The following VSTM2A variants were observed in gnomAD, a reference collection of about 807,000 sequenced individuals.
The protein encoded by VSTM2A is V-set and transmembrane domain containing 2A, also known as V-set and transmembrane domain-containing protein 2A.
In VSTM2A, 13 loss-of-function variants were observed where a neutral mutation model predicts 27.3. That is an observed-to-expected ratio of 0.48 (90% CI 0.31 to 0.76). The LOEUF is 0.76. Among genes scored for constraint, VSTM2A ranks in the 30% least tolerant of loss-of-function variants. VSTM2A has a pLI of 0.05. For synonymous variants in VSTM2A, 142 were observed against 125.7 expected (o/e 1.13, Z -0.87); for missense variants, 280 against 310.0 (o/e 0.90, Z 0.73).
At chr7:54,552,668 A>C (rs1398682697) in intron 4 of VSTM2A, 2 of 152,224 alleles carry the variant, frequency 1.3e-5, no homozygotes, top group African/African-American at 4.8e-5. Context: ...AAGAAAACAA[A>C]ATATTTGTAC....
In VSTM2A at chr7:54,569,130, G is replaced by A. The variant is rs1788814026; in HGVS notation, c.635-1G>A. On this transcript the variant is annotated splice_acceptor_variant, in intron 4 of 4. Transcript: ENST00000402613. LOFTEE classifies it high-confidence loss of function. ...TCCAATATCACTTTCTCTTCTTAAA[G>A]CAAAGAGCAAATCGCCTGTAAAATC... 1 of 1,566,882 alleles carries A rather than the reference G, an allele frequency of 6.4e-7. No homozygotes were observed. Among genetic ancestry groups the A allele is most frequent in the Non-Finnish European group, 8.7e-7 (1 of 1,154,386 alleles).
At chr7:54,550,983 T>C (rs1049360305) in intron 4 of VSTM2A, 1 of 152,188 alleles carries the variant, frequency 6.6e-6, no homozygotes, top group South Asian at 2.1e-4. Flanking sequence ...ATACTGACTT[T>C]ATCCTTCTTT....
In VSTM2A at chr7:54,542,705, T is replaced by A; in HGVS notation, c.-26T>A. 1 of 1,610,832 alleles carries A rather than the reference T, an allele frequency of 6.2e-7. No individual in the cohort carries two copies. The highest frequency in any genetic ancestry group is 8.5e-7 in the Non-Finnish European group (1 of 1,177,736). ...AGGGCTTTTCGGCTGTTGGCTACACTGATGTGACCCCCCTCCCTTTTTGGA... is the reference window on the plus strand; with the variant it reads ...AGGGCTTTTCGGCTGTTGGCTACACAGATGTGACCCCCCTCCCTTTTTGGA... On this transcript the variant is annotated 5_prime_UTR_variant, in exon 1 of 5. Coordinates refer to ENST00000402613, the MANE Select transcript of VSTM2A (RefSeq NM_001301009.2).
intron 4 of VSTM2A, chr7:54,559,950 AAG>A (rs1450102124): frequency 1.2e-4 from 18 of 152,128 alleles, no homozygotes; most frequent in African/African-American, 3.9e-4. Context: ...AAAAGAAAAA[AAG>A]AAAATGTACA....
chr7:54,558,244 TAAAC>T (rs1395751989), intron 4 of VSTM2A: 3 of 152,122 alleles, frequency 2.0e-5, no homozygotes, highest in African/African-American at 4.8e-5. Flanking sequence ...TCTGAAAACA[TAAAC>T]AAGTTAGAAT....
Position 54,570,370 on chromosome 7 carries a change from G to A in VSTM2A, c.*1151G>A, listed in dbSNP as rs1788854984. 6.6e-6 allele frequency: 1 copy of A among 152,126 alleles called. No individual in the cohort carries two copies. Among genetic ancestry groups the A allele is most frequent in the African/African-American group, 2.4e-5 (1 of 41,432 alleles). The allele number at this position is 152,126 out of a possible 1,614,324, so 9.4% of individuals were successfully genotyped here. ...ACCATAATTCCCTAAATTCATGTTAGAACATTTCTTGCTATGGTTAAAAAT... is the reference window on the plus strand; with the variant it reads ...ACCATAATTCCCTAAATTCATGTTAAAACATTTCTTGCTATGGTTAAAAAT... On this transcript the variant is annotated 3_prime_UTR_variant, in exon 5 of 5. Coordinates refer to ENST00000402613, the MANE Select transcript of VSTM2A (RefSeq NM_001301009.2).
chr7:54,557,008 A>G lies in VSTM2A; in HGVS notation c.634+6838A>G, dbSNP rs1054430523. ...ACCAGAGGAGCAGCTTCCTGGCTAG[A>G]TGGCCAAAGTGTTGAAAACTTGCTA... On this transcript the variant is annotated intron_variant, in intron 4 of 4. Transcript: ENST00000402613. The G allele has an allele frequency of 4.6e-5, 7 of 152,352 alleles. No homozygotes were observed. In the South Asian group the frequency reaches 1.4e-3, roughly 32 times the overall value. 9.4% of individuals were successfully genotyped at this position (152,352 alleles called of 1,614,324 possible).
rs1788817024 is a variant in VSTM2A at position 54,569,192 on chromosome 7, GCAC to G, written c.701_703del (p.His234del). ...CAGCAAAGTTGACCCTAAACTCCAA[GCAC>G]CACCCTGCACCCACTGTACTCTAAT... On this transcript the variant is annotated inframe_deletion, in exon 5 of 5. Coordinates refer to ENST00000402613, the MANE Select transcript of VSTM2A (RefSeq NM_001301009.2). 3 of 1,551,558 alleles carry G rather than the reference GCAC, an allele frequency of 1.9e-6. No individual in the cohort carries two copies. Among genetic ancestry groups the G allele is most frequent in the South Asian group, 1.2e-5 (1 of 84,086 alleles).
At chr7:54,546,822 T>C (rs2115785426) in intron 2 of VSTM2A, 125 bp from the exon 3 acceptor site, 2 of 1,327,890 alleles carry the variant, frequency 1.5e-6, no homozygotes, top group Non-Finnish European at 2.0e-6. Context: ...GCCACGCCCC[T>C]GGTCGCTCCC....
chr7:54,569,226 A>G lies in VSTM2A; in HGVS notation c.*7A>G, dbSNP rs1177563367. 1 of 1,551,612 alleles carries G rather than the reference A, an allele frequency of 6.4e-7. No homozygotes were observed. Among genetic ancestry groups the G allele is most frequent in the South Asian group, 1.2e-5 (1 of 84,056 alleles). ...TGCACCCACTGTACTCTAATTCACTACACAAGGAGCGCCTGCTTCCGGAAG... is the reference window on the plus strand; with the variant it reads ...TGCACCCACTGTACTCTAATTCACTGCACAAGGAGCGCCTGCTTCCGGAAG... On this transcript the variant is annotated 3_prime_UTR_variant, in exon 5 of 5. Transcript: ENST00000402613.
At chr7:54,553,969 C>T (rs929710168) in intron 4 of VSTM2A, 41 of 1,552,616 alleles carry the variant, frequency 2.6e-5, no homozygotes, top group Non-Finnish European at 3.5e-5. Flanking sequence ...CCCCTTCCCA[C>T]CTTCCCAACG....
intron 2 of VSTM2A, among the ~76,000 whole-genome samples, chr7:54,545,662 G>C (rs1178894645): frequency 3.1e-5 from 2 of 65,422 alleles, no homozygotes; most frequent in Admixed American, 1.5e-4. Context: ...AGACAGTGAA[G>C]GGGAAAGAGA....
chr7:54,570,345 A>G lies in VSTM2A; in HGVS notation c.*1126A>G, dbSNP rs1252883679. 1 of 152,196 alleles carries G rather than the reference A, an allele frequency of 6.6e-6. No individual in the cohort carries two copies. Among genetic ancestry groups the G allele is most frequent in the Admixed American group, 6.5e-5 (1 of 15,276 alleles). 9.4% of individuals were successfully genotyped at this position (152,196 alleles called of 1,614,324 possible). On this transcript the variant is annotated 3_prime_UTR_variant, in exon 5 of 5. Transcript: ENST00000402613. ...CGAATGTGGGGAAGGTGAAGCACTC[A>G]CCATAATTCCCTAAATTCATGTTAG...
rs149194196 is a variant in VSTM2A at position 54,565,525 on chromosome 7, C to T, written c.635-3606C>T. ...TAAAAAGGAAGGTGCTGAAAGGCAA[C>T]TGAGCACTTCTACCTGGCAGACATA... is the stretch of plus-strand genomic sequence containing the variant. On this transcript the variant is annotated intron_variant, in intron 4 of 4. Transcript: ENST00000402613. Among the ~76,000 whole-genome samples the T allele has an allele frequency of 3.5e-3, 529 of 152,332 alleles. 2 individuals are homozygous for T. The highest frequency in any genetic ancestry group is 0.011 in the African/African-American group (470 of 41,580).
intron 4 of VSTM2A, chr7:54,550,535 AGAGGC>A (rs1788156934): frequency 2.9e-6 from 1 of 347,268 alleles, no homozygotes; most frequent in Non-Finnish European, 5.1e-6. Context: ...ACCCAAATTA[AGAGGC>A]TTTCACTTAA....
intron 4 of VSTM2A, among the ~76,000 whole-genome samples, chr7:54,563,319 T>A (rs1788619916): frequency 6.6e-6 from 1 of 152,124 alleles, no homozygotes; most frequent in Non-Finnish European, 1.5e-5. Flanking sequence ...AGTTACATAA[T>A]CCCCTTCAGC....
intron 4 of VSTM2A, among the ~76,000 whole-genome samples, chr7:54,554,725 C>G (rs1788296972): frequency 6.6e-6 from 1 of 152,192 alleles, no homozygotes; most frequent in Non-Finnish European, 1.5e-5. Flanking sequence ...TGAAGCCCAG[C>G]CAAGGACCTT....
chr7:54,558,134 T>C (rs1788432245), intron 4 of VSTM2A: 1 of 152,228 alleles, frequency 6.6e-6, no homozygotes, highest in Non-Finnish European at 1.5e-5. Context: ...ACAGGTATTC[T>C]AAAGCCATAA....
At chr7:54,556,043 T>A (rs934292030) in intron 4 of VSTM2A, among the ~76,000 whole-genome samples, 2 of 152,128 alleles carry the variant, frequency 1.3e-5, no homozygotes, top group African/African-American at 4.8e-5. Context: ...GGTAAAAAAA[T>A]TTTCTTCTTA....
Sources: allele counts gnomAD v4.1 joint callset (sites outside exome capture counted in the v4.1 genomes callset), GRCh38; gene constraint gnomAD v4.1.1; transcripts MANE v1.5; gene names NCBI Gene and HGNC (gene_info 2026-07-23, HGNC 2026-07-21).